The following SHTN1 variants were observed in gnomAD, a reference collection of about 807,000 sequenced individuals.
The protein encoded by SHTN1 is shootin 1, also known as shootin-1.
Under a neutral mutation model 83.1 loss-of-function variants are expected in SHTN1, and 42 were observed. The ratio of observed to expected loss-of-function variants is 0.51; its 90% CI spans 0.39 to 0.65. The LOEUF (loss-of-function observed/expected upper bound fraction) is 0.65. SHTN1 is among the 30% of genes least tolerant of loss of function. The pLI is 0.00. For synonymous variants in SHTN1, 224 were observed against 247.7 expected (o/e 0.90, Z 0.90); for missense variants, 622 against 737.8 (o/e 0.84, Z 1.82).
intron 9 of SHTN1, among the ~76,000 whole-genome samples, chr10:116,938,933 G>A (rs1032664637): frequency 3.3e-5 from 5 of 152,214 alleles, no homozygotes; most frequent in African/African-American, 1.2e-4. Flanking sequence ...GCTCGGCCCA[G>A]TCCGAACTTC....
At chr10:116,920,322 C>T (rs904994260) in intron 12 of SHTN1, among the ~76,000 whole-genome samples, 1 of 152,136 alleles carries the variant, frequency 6.6e-6, no homozygotes, top group East Asian at 1.9e-4. Context: ...GGCTGCACAC[C>T]AAACAGACTC....
chr10:116,961,907 A>G (rs1454074019), intron 3 of SHTN1, among the ~76,000 whole-genome samples: 3 of 152,208 alleles, frequency 2.0e-5, no homozygotes, highest in Non-Finnish European at 4.4e-5. Flanking sequence ...AGTGAATTAA[A>G]TTGTATCTGC....
At chr10:116,945,815 T>C (rs1027748388) in intron 7 of SHTN1, among the ~76,000 whole-genome samples, 7 of 152,114 alleles carry the variant, frequency 4.6e-5, no homozygotes, top group Admixed American at 2.6e-4. Flanking sequence ...AGCAGAAATA[T>C]GGAAACAGCC....
At chr10:116,978,198 T>C (rs2133478791) in intron 2 of SHTN1, among the ~76,000 whole-genome samples, 1 of 152,298 alleles carries the variant, frequency 6.6e-6, no homozygotes, top group African/African-American at 2.4e-5. Flanking sequence ...TACAGCTATA[T>C]AGGTGGCAAA....
chr10:116,899,534 T>C (rs1161378632), intron 16 of SHTN1, among the ~76,000 whole-genome samples: 3 of 88,096 alleles, frequency 3.4e-5, no homozygotes, highest in Admixed American at 2.3e-4. Flanking sequence ...TGTGTGTGTG[T>C]GTGTGTGTGT....
At chr10:116,903,397 C>T (rs886201030) in intron 15 of SHTN1, among the ~76,000 whole-genome samples, 2 of 151,918 alleles carry the variant, frequency 1.3e-5, no homozygotes, top group Non-Finnish European at 2.9e-5. Flanking sequence ...TGATGGTGGG[C>T]GCCTGTAATC....
chr10:116,911,176 C>A (rs991555201), intron 14 of SHTN1, among the ~76,000 whole-genome samples: 7 of 152,142 alleles, frequency 4.6e-5, no homozygotes, highest in African/African-American at 1.7e-4. Flanking sequence ...CTGGAGAGTG[C>A]AGTAGCCGCT....
intron 8 of SHTN1, 121 bp from the exon 9 acceptor site, chr10:116,940,733 T>G: frequency 1.4e-6 from 1 of 714,350 alleles, no homozygotes; most frequent in South Asian, 2.8e-5. Flanking sequence ...AAATTCTGAC[T>G]TCTATAAGTT....
At chr10:116,993,974 C>A (rs1451500843) in intron 1 of SHTN1, among the ~76,000 whole-genome samples, 1 of 152,050 alleles carries the variant, frequency 6.6e-6, no homozygotes, top group Non-Finnish European at 1.5e-5. Context: ...ATATCTGAGT[C>A]TGTTAGCAAG....
chr10:116,945,032 AG>A lies in SHTN1; in HGVS notation c.617-15del, dbSNP rs1444964948. ...CTAACATGGACACTTAAGAAGATAA[AG>A]GAAAAAAAAAACCCAGACAATAAGT... On this transcript the variant is annotated splice_polypyrimidine_tract_variant and intron_variant, in intron 7 of 16. Coordinates refer to ENST00000355371, the MANE Select transcript of SHTN1 (RefSeq NM_001127211.3). 6.9e-7 allele frequency: 1 copy of A among 1,449,624 alleles called. No homozygotes were observed. The highest frequency in any genetic ancestry group is 9.5e-7 in the Non-Finnish European group (1 of 1,047,838). The allele number at this position is 1,449,624 out of a possible 1,614,324, so 89.8% of individuals were successfully genotyped here. A position where few individuals can be genotyped will look rare whatever the true frequency, so the allele number is the denominator to read the frequency against.
chr10:116,972,040 T>C (rs976924816), intron 2 of SHTN1, among the ~76,000 whole-genome samples: 2 of 152,196 alleles, frequency 1.3e-5, no homozygotes, highest in African/African-American at 4.8e-5. Context: ...TTAGGTAGGC[T>C]TGTACTAGTT....
intron 2 of SHTN1, among the ~76,000 whole-genome samples, chr10:116,975,100 A>G (rs1850751698): frequency 6.6e-6 from 1 of 152,202 alleles, no homozygotes; most frequent in South Asian, 2.1e-4. Flanking sequence ...GGCAAAAAAT[A>G]ATGGAAACTA....
At chr10:116,932,470 C>A (rs1849008118) in intron 9 of SHTN1, among the ~76,000 whole-genome samples, 2 of 152,260 alleles carry the variant, frequency 1.3e-5, no homozygotes, top group Admixed American at 1.3e-4. Context: ...ATCCCCCACC[C>A]TCTTCCCTCC....
chr10:116,946,869 G>A (rs867261172), intron 7 of SHTN1, among the ~76,000 whole-genome samples: 11 of 151,644 alleles, frequency 7.3e-5, no homozygotes, highest in South Asian at 2.1e-4. Context: ...AGGCAGGTGC[G>A]TGCCACCATA....
intron 16 of SHTN1, among the ~76,000 whole-genome samples, chr10:116,888,789 G>A (rs1391184560): frequency 6.6e-6 from 1 of 152,204 alleles, no homozygotes; most frequent in East Asian, 1.9e-4. Context: ...CCTTCCGAGG[G>A]TTAAAAAAAA....
chr10:117,036,866 C>T (rs1852505430), intron 2 of SHTN1, among the ~76,000 whole-genome samples: 1 of 152,126 alleles, frequency 6.6e-6, no homozygotes, highest in Non-Finnish European at 1.5e-5. Context: ...GCATTACATG[C>T]TTGTATCAAA....
At chr10:116,983,683 G>A (rs202221642) in intron 1 of SHTN1, among the ~76,000 whole-genome samples, 200 of 14,706 alleles carry the variant, frequency 0.014, no homozygotes, top group Middle Eastern at 0.1. Context: ...TAGATAGATA[G>A]ATAAATACAT....
intron 1 of SHTN1, among the ~76,000 whole-genome samples, chr10:117,062,617 T>C (rs1852919550): frequency 6.6e-6 from 1 of 152,196 alleles, no homozygotes; most frequent in East Asian, 1.9e-4. Flanking sequence ...TAATACCCAG[T>C]TTATAGGTTT....
rs970621411 is a variant in SHTN1, at chr10:116,882,472, T to C, written c.*3872A>G. 3 of 150,630 alleles carry C rather than the reference T, an allele frequency of 2.0e-5. No individual in the cohort carries two copies. Among genetic ancestry groups the C allele is most frequent in the Admixed American group, 2.0e-4 (3 of 15,132 alleles). 9.3% of individuals were successfully genotyped at this position (150,630 alleles called of 1,614,324 possible). On this transcript the variant is annotated 3_prime_UTR_variant, in exon 17 of 17. Transcript: ENST00000355371. ...CTTTTGTAAGCCAGTGTTGGGATTA[T>C]AGCAGAGGAGTAGCAGAAATAAATA...
Sources: allele counts gnomAD v4.1 joint callset (sites outside exome capture counted in the v4.1 genomes callset), GRCh38; gene constraint gnomAD v4.1.1; transcripts MANE v1.5; gene names NCBI Gene and HGNC (gene_info 2026-07-23, HGNC 2026-07-21).